Variants in TAFA1 observed in about 807,000 individuals in gnomAD.
TAFA1 encodes the protein TAFA chemokine like family member 1.
In TAFA1, 4 loss-of-function variants were observed where a neutral mutation model predicts 18.5. That is an observed-to-expected ratio of 0.22 (90% confidence interval 0.11 to 0.49). The LOEUF (loss-of-function observed/expected upper bound fraction) is 0.49, where lower values mean the gene tolerates loss of function less well. TAFA1 is among the 20% of genes least tolerant of loss of function. TAFA1 has a pLI of 0.98. For missense variants in TAFA1, 147 were observed against 169.0 expected (o/e 0.87, Z 0.72); for synonymous variants, 56 against 55.2 (o/e 1.01, Z -0.06).
At chr3:68,411,694 G>A (rs1429136878) in intron 2 of TAFA1, among the ~76,000 whole-genome samples, 2 of 152,126 alleles carry the variant, frequency 1.3e-5, no homozygotes, top group African/African-American at 2.4e-5. Context: ...TCTTAGAGTA[G>A]AGGTAACTGA....
At chr3:68,211,705 C>T (rs1309434810) in intron 2 of TAFA1, among the ~76,000 whole-genome samples, 5 of 152,034 alleles carry the variant, frequency 3.3e-5, no homozygotes, top group Admixed American at 6.6e-5. Flanking sequence ...CCTCAGGCTG[C>T]TTCCACTCAT....
At chr3:68,439,514 C>T (rs187675247) in intron 3 of TAFA1, among the ~76,000 whole-genome samples, 1 of 147,788 alleles carries the variant, frequency 6.8e-6, no homozygotes, top group East Asian at 2.0e-4. Flanking sequence ...GGCCGAGGAG[C>T]TAGGAAGCCA....
At chr3:68,518,214 G>T (rs993623759) in intron 3 of TAFA1, among the ~76,000 whole-genome samples, 2 of 152,008 alleles carry the variant, frequency 1.3e-5, no homozygotes, top group Admixed American at 6.6e-5. Context: ...CTTTTGATTG[G>T]TTTCCTCCTC....
chr3:68,490,733 A>T (rs1445050684), intron 3 of TAFA1, among the ~76,000 whole-genome samples: 1 of 152,188 alleles, frequency 6.6e-6, no homozygotes, highest in Non-Finnish European at 1.5e-5. Context: ...AATAAATTTT[A>T]AAATATTTTT....
chr3:68,147,559 T>C (rs1181403211), intron 2 of TAFA1, among the ~76,000 whole-genome samples: 1 of 152,114 alleles, frequency 6.6e-6, no homozygotes, highest in Non-Finnish European at 1.5e-5. Context: ...CCCCACCTGA[T>C]TGACCATCAC....
chr3:68,199,201 C>T (rs1257206443), intron 2 of TAFA1, among the ~76,000 whole-genome samples: 1 of 151,468 alleles, frequency 6.6e-6, no homozygotes, highest in Non-Finnish European at 1.5e-5. Flanking sequence ...GTTCTCTGTT[C>T]TGTGTCAATG....
At chr3:68,533,392 C>T (rs1352980322) in intron 3 of TAFA1, among the ~76,000 whole-genome samples, 4 of 152,052 alleles carry the variant, frequency 2.6e-5, no homozygotes, top group Non-Finnish European at 5.9e-5. Context: ...TGGGGGAAAC[C>T]GCCCCCATGA....
intron 2 of TAFA1, among the ~76,000 whole-genome samples, chr3:68,290,615 C>T (rs763668728): frequency 2.0e-5 from 3 of 152,064 alleles, no homozygotes; most frequent in Non-Finnish European, 4.4e-5. Flanking sequence ...AGATAACAAG[C>T]TTTGACAGCT....
intron 3 of TAFA1, among the ~76,000 whole-genome samples, chr3:68,443,871 A>G (rs768905884): frequency 2.0e-5 from 3 of 152,180 alleles, no homozygotes; most frequent in Non-Finnish European, 4.4e-5. Flanking sequence ...CCCTCACCGC[A>G]TCCCAAATAC....
intron 3 of TAFA1, among the ~76,000 whole-genome samples, chr3:68,531,637 G>A (rs983239904): frequency 6.6e-5 from 10 of 152,150 alleles, no homozygotes; most frequent in African/African-American, 2.2e-4. Context: ...CTTAGAGCAC[G>A]TGCTTGAACC....
intron 2 of TAFA1, among the ~76,000 whole-genome samples, chr3:68,142,676 A>T (rs1333387107): frequency 6.6e-6 from 1 of 152,178 alleles, no homozygotes; most frequent in African/African-American, 2.4e-5. Flanking sequence ...ACAGAAATGG[A>T]TTGTGTCTAT....
intron 3 of TAFA1, among the ~76,000 whole-genome samples, chr3:68,486,596 C>A (rs2106670307): frequency 6.6e-6 from 1 of 152,328 alleles, no homozygotes; most frequent in East Asian, 1.9e-4. Flanking sequence ...GATGATAACT[C>A]ATCTTTCTAA....
chr3:68,401,587 C>G (rs2070492700), intron 2 of TAFA1, among the ~76,000 whole-genome samples: 1 of 152,182 alleles, frequency 6.6e-6, no homozygotes, highest in Non-Finnish European at 1.5e-5. Context: ...TAGATAGTGG[C>G]AATCTCCAGA....
chr3:68,024,179 C>T (rs892743677), intron 2 of TAFA1, among the ~76,000 whole-genome samples: 1 of 152,044 alleles, frequency 6.6e-6, no homozygotes, highest in Non-Finnish European at 1.5e-5. Flanking sequence ...AGAACTGTAT[C>T]GTTTCTAGTA....
intron 2 of TAFA1, among the ~76,000 whole-genome samples, chr3:68,113,888 GT>G (rs1169442128): frequency 5.2e-5 from 3 of 57,862 alleles, no homozygotes; most frequent in African/African-American, 7.1e-5. Flanking sequence ...TTGGGGTGTA[GT>G]TTTTTTTGTT....
intron 2 of TAFA1, among the ~76,000 whole-genome samples, chr3:68,093,816 G>T (rs527638084): frequency 6.6e-6 from 1 of 152,010 alleles, no homozygotes; most frequent in Non-Finnish European, 1.5e-5. Flanking sequence ...TTATCACCTG[G>T]AAGCATTCTC....
intron 3 of TAFA1, among the ~76,000 whole-genome samples, chr3:68,463,313 G>A (rs749297137): frequency 3.9e-5 from 6 of 152,026 alleles, no homozygotes; most frequent in African/African-American, 4.8e-5. Context: ...GTTATTTAGC[G>A]AGCATCTATT....
intron 3 of TAFA1, among the ~76,000 whole-genome samples, chr3:68,521,053 G>A (rs545714967): frequency 6.6e-6 from 1 of 152,282 alleles, no homozygotes; most frequent in South Asian, 2.1e-4. Flanking sequence ...AAGTAAGGAG[G>A]TATTGGTTTT....
chr3:68,288,920 T>C (rs1422262656), intron 2 of TAFA1, among the ~76,000 whole-genome samples: 1 of 152,196 alleles, frequency 6.6e-6, no homozygotes, highest in Non-Finnish European at 1.5e-5. Flanking sequence ...GTGAAGATCA[T>C]TGTAGAAATA....
Sources: gnomAD v4.1 joint callset for allele counts (sites outside exome capture counted in the v4.1 genomes callset) on GRCh38, gnomAD v4.1.1 for gene constraint, MANE v1.5 for transcripts, NCBI Gene and HGNC (gene_info 2026-07-23, HGNC 2026-07-21) for gene names.